The following ARMC6 variants were observed in gnomAD, a reference collection of about 807,000 sequenced individuals.
ARMC6 encodes armadillo repeat-containing protein 6.
A neutral mutation model predicts 49.2 loss-of-function variants in ARMC6; 43 were observed. That is an observed-to-expected ratio of 0.87 (90% CI 0.69 to 1.13). ARMC6 has a LOEUF of 1.13. ARMC6 is among the 50% of genes most tolerant of loss of function. ARMC6 has a pLI of 0.00. For synonymous variants in ARMC6, 262 were observed against 289.6 expected, an observed-to-expected ratio of 0.90 and a Z score of 0.97; for missense variants, 627 against 682.0, an observed-to-expected ratio of 0.92 and a Z score of 0.90.
At chr19:19,048,599 G>A (rs1281235836) in intron 4 of ARMC6, among the ~76,000 whole-genome samples, 1 of 152,198 alleles carries the variant, frequency 6.6e-6, no homozygotes, top group South Asian at 2.1e-4. Context: ...TGCTTAAGAC[G>A]GGTTGTGGAG....
chr19:19,044,030 G>C lies in ARMC6; in HGVS notation c.235G>C (p.Val79Leu), dbSNP rs755156873. The part of the protein sequence containing the change: ...LSNIVKTAPK[V>L]SADGSQEPTH... Reference sequence around the variant, plus strand: ...CAACATTGTAAAGACGGCACCTAAAGTCTCTGCAGACGGATCCCAGGAGCC... The same window carrying C: ...CAACATTGTAAAGACGGCACCTAAACTCTCTGCAGACGGATCCCAGGAGCC... Residue 79 changes from valine to leucine, a missense_variant, in exon 4 of 9, where the codon GTC becomes CTC. Physicochemically the swap from Val to Leu is conservative, Grantham distance 32. Coordinates refer to ENST00000535612, the MANE Select transcript of ARMC6 (RefSeq NM_001199196.2). 14 of 1,614,048 alleles carry C rather than the reference G, an allele frequency of 8.7e-6. No homozygotes were observed. The highest frequency in any genetic ancestry group is 5.0e-5 in the Admixed American group (3 of 60,006).
chr19:19,052,204 TG>T lies in ARMC6; in HGVS notation c.853+14del. The T allele has an allele frequency of 6.3e-7, 1 of 1,577,376 alleles. No individual in the cohort carries two copies. On this transcript the variant is annotated intron_variant, in intron 5 of 8. Transcript: ENST00000535612. ...CATCGAAGCCACCAAAGGTAAGAGC[TG>T]GGGGCCGACACGAGCCAGCGAACAA...
intron 3 of ARMC6, among the ~76,000 whole-genome samples, chr19:19,043,660 GA>G (rs1318749110): frequency 6.6e-6 from 1 of 152,118 alleles, no homozygotes; most frequent in South Asian, 2.1e-4. Flanking sequence ...CCCCAAGGGA[GA>G]AGGCTGTGGG....
intron 4 of ARMC6, among the ~76,000 whole-genome samples, chr19:19,051,373 CTCTGTGTGTGTGTGTGTGTGTGTG>C (rs2059494347): frequency 8.7e-6 from 1 of 115,164 alleles, no homozygotes; most frequent in African/African-American, 3.7e-5. Context: ...CTCTCTCTCT[CTCTGTGTGTGTGTGTGTGTGTGTG>C]TGTGTGTGTG....
chr19:19,042,451 T>C (rs1340201398), intron 2 of ARMC6, among the ~76,000 whole-genome samples: 1 of 152,116 alleles, frequency 6.6e-6, no homozygotes, highest in Non-Finnish European at 1.5e-5. Context: ...CAGGCTCAAG[T>C]GATCCTCCCA....
intron 2 of ARMC6, among the ~76,000 whole-genome samples, chr19:19,038,588 A>T (rs924439795): frequency 1.3e-5 from 2 of 151,860 alleles, no homozygotes; most frequent in African/African-American, 2.4e-5. Flanking sequence ...TTATTTATTT[A>T]TTTTTTGAGA....
rs759370207 is a variant in ARMC6 at position 19,043,992 on chromosome 19, G to C, written c.197G>C (p.Gly66Ala). 1.2e-6 allele frequency: 2 copies of C among 1,613,840 alleles called. No individual in the cohort carries two copies. Among genetic ancestry groups the C allele is most frequent in the African/African-American group, 2.7e-5 (2 of 74,898 alleles). ...TGCTTGCTTCCCCCACCCCCAACAG[G>C]GGTTGATCTGAGCAACATTGTAAAG... Reference protein sequence around the residue: ...KEAVEQFESQGVDLSNIVKTA... With the variant: ...KEAVEQFESQAVDLSNIVKTA... Residue 66 changes from glycine (G) to alanine (A), a missense_variant and splice_region_variant, in exon 4 of 9, where the codon GGG becomes GCG. Transcript: ENST00000535612.
rs11549381 is a variant in ARMC6 at position 19,057,921 on chromosome 19, G to T, written c.*293G>T. 1.4e-5 allele frequency: 7 copies of T among 515,374 alleles called. No homozygotes were observed. The highest frequency in any genetic ancestry group is 9.1e-5 in the Admixed American group (3 of 32,794). The allele number at this position is 515,374 out of a possible 1,614,324, so 31.9% of individuals were successfully genotyped here. A position where few individuals can be genotyped will look rare whatever the true frequency, so the allele number is the denominator to read the frequency against. On this transcript the variant is annotated 3_prime_UTR_variant, in exon 9 of 9. Coordinates refer to ENST00000535612, the MANE Select transcript of ARMC6 (RefSeq NM_001199196.2). ...CCCTACCAGAGGGGGCAAAGGGCAC[G>T]TCCCATCACTCACTGCCCTGTCTGA...
rs151260905 is a variant in ARMC6, at chr19:19,044,041, C to T, written c.246C>T (p.Asp82=). The part of the protein sequence containing the change: ...IVKTAPKVSA[D]GSQEPTHDIL... ...AGACGGCACCTAAAGTCTCTGCAGA[C>T]GGATCCCAGGAGCCCACACATGACA... The change falls in exon 4 of 9, where the codon GAC becomes GAT. Residue 82 remains aspartate, a synonymous_variant. Transcript: ENST00000535612. 1,458 of 1,614,112 alleles carry T rather than the reference C, an allele frequency of 9.0e-4. 9 individuals carry two copies. In the African/African-American group the frequency reaches 0.017, roughly 19 times the overall value.
intron 4 of ARMC6, among the ~76,000 whole-genome samples, chr19:19,045,729 G>A (rs1055966655): frequency 6.6e-6 from 1 of 150,986 alleles, no homozygotes; most frequent in Non-Finnish European, 1.5e-5. Context: ...TTGGCTCACT[G>A]CAAGCTCTGC....
intron 5 of ARMC6, among the ~76,000 whole-genome samples, chr19:19,053,528 T>A (rs978033386): frequency 6.6e-6 from 1 of 152,148 alleles, no homozygotes; most frequent in African/African-American, 2.4e-5. Flanking sequence ...GATAGCTGAT[T>A]GTGGATGGTA....
intron 2 of ARMC6, among the ~76,000 whole-genome samples, chr19:19,039,683 G>A (rs1159394335): frequency 1.3e-5 from 2 of 152,160 alleles, no homozygotes; most frequent in Non-Finnish European, 2.9e-5. Context: ...GAGACATCAT[G>A]TTTTTGAGGT....
At chr19:19,042,193 C>T (rs560688225) in intron 2 of ARMC6, among the ~76,000 whole-genome samples, 1 of 152,300 alleles carries the variant, frequency 6.6e-6, no homozygotes, top group Non-Finnish European at 1.5e-5. Flanking sequence ...CCACTGCGCC[C>T]AGCCAGAATC....
At chr19:19,057,235 C>T (rs1250700980) in intron 8 of ARMC6, among the ~76,000 whole-genome samples, 181 bp from the exon 9 acceptor site, 1 of 152,224 alleles carries the variant, frequency 6.6e-6, no homozygotes, top group East Asian at 1.9e-4. Context: ...TTAGCCATGC[C>T]TTGTGGGGCT....
Position 19,057,438 on chromosome 19 carries a change from G to A in ARMC6, c.1316G>A (p.Arg439Gln), listed in dbSNP as rs776173082. The change falls in exon 9 of 9, where the codon CGA (arginine) becomes CAA (glutamine). Residue 439 changes from arginine (R) to glutamine (Q), a missense_variant. By Grantham distance (43) the Arg-to-Gln change is conservative. Transcript: ENST00000535612. ...GVQKQACMLI[R>Q]NLVAHGQAFS... is the part of the protein sequence containing the mutation. ...CAGAAACAGGCTTGCATGCTGATCC[G>A]AAACCTGGTGGCCCACGGCCAGGCC... is the stretch of plus-strand genomic sequence containing the variant. 7 of 1,613,482 alleles carry A rather than the reference G, an allele frequency of 4.3e-6. No homozygotes were observed. The highest frequency in any genetic ancestry group is 2.2e-5 in the East Asian group (1 of 44,886).
intron 8 of ARMC6, among the ~76,000 whole-genome samples, 166 bp from the exon 9 acceptor site, chr19:19,057,250 A>C (rs2059552232): frequency 6.6e-6 from 1 of 152,228 alleles, no homozygotes; most frequent in Non-Finnish European, 1.5e-5. Context: ...GGGGCTGCCA[A>C]GAGGGTAAAG....
intron 3 of ARMC6, 74 bp from the exon 4 acceptor site, chr19:19,043,918 C>A: frequency 7.0e-7 from 1 of 1,424,106 alleles, no homozygotes; most frequent in Non-Finnish European, 9.9e-7. Context: ...GGTGTGATTC[C>A]AGCAGGCCCA....
At chr19:19,054,994 C>T (rs760043823) in intron 6 of ARMC6, among the ~76,000 whole-genome samples, 7 of 152,202 alleles carry the variant, frequency 4.6e-5, no homozygotes, top group Non-Finnish European at 7.4e-5. Context: ...GGTCTGTGGC[C>T]GTGGACAGGG....
intron 4 of ARMC6, among the ~76,000 whole-genome samples, chr19:19,050,559 T>C (rs990853654): frequency 6.6e-6 from 1 of 152,228 alleles, no homozygotes; most frequent in African/African-American, 2.4e-5. Context: ...ATTAGTGACA[T>C]TGAGCATCTT....
Sources: allele counts gnomAD v4.1 joint callset (sites outside exome capture counted in the v4.1 genomes callset), GRCh38; gene constraint gnomAD v4.1.1; transcripts MANE v1.5; gene names NCBI Gene and HGNC (gene_info 2026-07-23, HGNC 2026-07-21).